Variants in TSPAN4 observed in about 807,000 individuals in gnomAD.
The protein encoded by TSPAN4 is tetraspanin 4.
Under a neutral mutation model 31.5 loss-of-function variants are expected in TSPAN4, and 38 were observed. The ratio of observed to expected loss-of-function variants is 1.21; its 90% CI spans 0.93 to 1.58. TSPAN4 has a LOEUF of 1.58. TSPAN4 is among the 40% of genes most tolerant of loss of function. The pLI is 0.00. For synonymous variants in TSPAN4, 186 were observed against 144.6 expected (o/e 1.29, Z -2.06); for missense variants, 330 against 317.3 (o/e 1.04, Z -0.30).
intron 3 of TSPAN4, among the ~76,000 whole-genome samples, chr11:852,913 G>A (rs965808559): frequency 3.9e-5 from 6 of 152,086 alleles, no homozygotes; most frequent in South Asian, 2.1e-4. Context: ...CCCCGCTGCC[G>A]GAGTCCTGCT....
chr11:865,335 G>A, intron 5 of TSPAN4, 178 bp from the exon 6 acceptor site: 1 of 602,374 alleles, frequency 1.7e-6, no homozygotes, highest in Non-Finnish European at 3.0e-6. Flanking sequence ...GGGGCCCTGG[G>A]CCTCAGGGCT....
Position 866,822 on chromosome 11 carries a change from C to T in TSPAN4, c.*192C>T, listed in dbSNP as rs1315644956. ...TCAGGTGGCTTCAGGGCCTCCGGAC[C>T]CCCCCTGGGAGGGGTGGCCACGTGC... On this transcript the variant is annotated 3_prime_UTR_variant, in exon 9 of 9. Transcript: ENST00000397397. 6.7e-6 allele frequency: 4 copies of T among 592,778 alleles called. No homozygotes were observed. The highest frequency in any genetic ancestry group is 1.1e-5 in the Non-Finnish European group (4 of 351,844). 36.7% of individuals were successfully genotyped at this position (592,778 alleles called of 1,614,324 possible). A position where few individuals can be genotyped will look rare whatever the true frequency, so the allele number is the denominator to read the frequency against.
intron 3 of TSPAN4, chr11:856,838 C>T (rs1848071205): frequency 6.6e-6 from 1 of 152,272 alleles, no homozygotes; most frequent in African/African-American, 2.4e-5. Flanking sequence ...CTATAATTTT[C>T]CTGCCAAAAT....
intron 2 of TSPAN4, chr11:849,897 C>G (rs1448327774): frequency 6.8e-6 from 1 of 148,134 alleles, no homozygotes; most frequent in South Asian, 2.0e-4. Flanking sequence ...CGGATCCGCG[C>G]GACCCGCTGC....
Position 850,311 on chromosome 11 carries a change from C to T in TSPAN4, c.7C>T (p.Arg3Cys), listed in dbSNP as rs973975934. ...AGAACTGAAGCGCTGCGGCATGGCGCGCGCCTGCCTCCAGGCCGTCAAGTA... is the reference window on the plus strand; with the variant it reads ...AGAACTGAAGCGCTGCGGCATGGCGTGCGCCTGCCTCCAGGCCGTCAAGTA... MA[R>C]ACLQAVKYLM... Residue 3 changes from arginine to cysteine, a missense_variant, in exon 3 of 9, where the codon CGC becomes TGC. By Grantham distance (180) the Arg-to-Cys change is radical (BLOSUM62 -3). Transcript: ENST00000397397. 11 of 1,606,436 alleles carry T rather than the reference C, an allele frequency of 6.8e-6. No individual in the cohort carries two copies. Among genetic ancestry groups the T allele is most frequent in the Non-Finnish European group, 9.3e-6 (11 of 1,178,588 alleles).
In TSPAN4 at chr11:848,751, G is replaced by C; in HGVS notation, c.-18+1451G>C. On this transcript the variant is annotated intron_variant, in intron 2 of 8. Coordinates refer to ENST00000397397, the MANE Select transcript of TSPAN4 (RefSeq NM_003271.5). This position sits in a 1 kb window ranked among gnomAD's most constrained non-coding sequence, Gnocchi z 5.7. ...GTCATCTGCCAGGAATCTGGGCCACGTGCTGATATCTTCCCAACACCGCAG... is the reference window on the plus strand; with the variant it reads ...GTCATCTGCCAGGAATCTGGGCCACCTGCTGATATCTTCCCAACACCGCAG... 1 of 515,236 alleles carries C rather than the reference G, an allele frequency of 1.9e-6. No homozygotes were observed. Among genetic ancestry groups the C allele is most frequent in the Non-Finnish European group, 3.5e-6 (1 of 286,448 alleles). The allele number at this position is 515,236 out of a possible 1,614,324, so 31.9% of individuals were successfully genotyped here.
At chr11:844,258 C>CTT (rs1847158385) in intron 1 of TSPAN4, 1 of 151,618 alleles carries the variant, frequency 6.6e-6, no homozygotes, top group South Asian at 2.1e-4. Context: ...CTGGAGGCTT[C>CTT]TTGGAGGAGG....
In TSPAN4 at chr11:844,632, T is replaced by A. The variant is rs528778832; in HGVS notation, c.-118+1717T>A. Reference sequence around the variant, plus strand: ...AGCCTGGTGGCGGGGCAGGGCACTGTGCCCGCCAGCAGGGGCGGGTGGGGG... The same window carrying A: ...AGCCTGGTGGCGGGGCAGGGCACTGAGCCCGCCAGCAGGGGCGGGTGGGGG... On this transcript the variant is annotated intron_variant, in intron 1 of 8. Transcript: ENST00000397397. The A allele has an allele frequency of 3.2e-5, 4 of 123,782 alleles. No homozygotes were observed. The East Asian group carries it at 1.2e-3, about 37-fold the overall frequency. 7.7% of individuals were successfully genotyped at this position (123,782 alleles called of 1,614,324 possible). A position where few individuals can be genotyped will look rare whatever the true frequency, so the allele number is the denominator to read the frequency against.
At chr11:861,137 C>T (rs917876718) in intron 3 of TSPAN4, among the ~76,000 whole-genome samples, 7 of 152,202 alleles carry the variant, frequency 4.6e-5, no homozygotes, top group East Asian at 1.9e-4. Context: ...TCTCTCTGGG[C>T]GCAGCACCCC....
intron 3 of TSPAN4, among the ~76,000 whole-genome samples, chr11:852,906 C>CCA (rs1554990364): frequency 4.6e-5 from 7 of 152,080 alleles, no homozygotes; most frequent in Non-Finnish European, 1.0e-4. Flanking sequence ...CCTGACCCCC[C>CCA]GCTGCCGGAG....
rs749807294 is a variant in TSPAN4, at chr11:850,271, C to T, written c.-17-17C>T. Reference sequence around the variant, plus strand: ...ACGTGGTTTTCTACCTGGACCTCTCCTTCATCTTCCTCCTAGAACTGAAGC... The same window carrying T: ...ACGTGGTTTTCTACCTGGACCTCTCTTTCATCTTCCTCCTAGAACTGAAGC... On this transcript the variant is annotated splice_polypyrimidine_tract_variant and intron_variant, in intron 2 of 8. Coordinates refer to ENST00000397397, the MANE Select transcript of TSPAN4 (RefSeq NM_003271.5). 2.6e-5 allele frequency: 42 copies of T among 1,596,718 alleles called. No individual in the cohort carries two copies. Among genetic ancestry groups the T allele is most frequent in the Non-Finnish European group, 3.0e-5 (35 of 1,171,740 alleles).
intron 2 of TSPAN4, chr11:849,759 G>A (rs2133995586): frequency 6.8e-6 from 1 of 146,654 alleles, no homozygotes; most frequent in East Asian, 2.1e-4. Context: ...GAGGGGAGGG[G>A]TCCGCGCGGG....
chr11:859,897 G>C (rs2134045129), intron 3 of TSPAN4: 1 of 152,378 alleles, frequency 6.6e-6, no homozygotes, highest in African/African-American at 2.4e-5. Flanking sequence ...GTCAGAGCCA[G>C]CAAGTCAGCC....
chr11:850,601 G>A (rs933780646), intron 3 of TSPAN4, among the ~76,000 whole-genome samples: 4 of 151,396 alleles, frequency 2.6e-5, no homozygotes, highest in Non-Finnish European at 5.9e-5. Flanking sequence ...GCTGCCCCAC[G>A]CCCTGGTCCC....
rs886668410 is a variant in TSPAN4 at position 867,039 on chromosome 11, G to A, written c.*409G>A. The A allele has an allele frequency of 2.8e-5, 5 of 175,890 alleles. No homozygotes were observed. Among genetic ancestry groups the A allele is most frequent in the African/African-American group, 7.1e-5 (3 of 42,182 alleles). The allele number at this position is 175,890 out of a possible 1,614,324, so 10.9% of individuals were successfully genotyped here. ...TGGTCCTGGTGCTCCAGGCGGGGCC[G>A]TGGACCCCTCACCTACATTCCATAG... On this transcript the variant is annotated 3_prime_UTR_variant, in exon 9 of 9. Coordinates refer to ENST00000397397, the MANE Select transcript of TSPAN4 (RefSeq NM_003271.5).
chr11:861,476 G>T (rs1473064786), intron 3 of TSPAN4, among the ~76,000 whole-genome samples: 1 of 152,296 alleles, frequency 6.6e-6, no homozygotes, highest in Non-Finnish European at 1.5e-5. Context: ...ACTTTGGGAG[G>T]TCGAGGTGGG....
intron 3 of TSPAN4, among the ~76,000 whole-genome samples, chr11:860,985 ACT>A (rs1409133616): frequency 6.6e-6 from 1 of 151,894 alleles, no homozygotes; most frequent in African/African-American, 2.4e-5. Context: ...TTTTCGGGGG[ACT>A]GCTTGTCCCG....
intron 5 of TSPAN4, chr11:865,283 A>C: frequency 1.8e-6 from 1 of 570,674 alleles, no homozygotes; most frequent in Non-Finnish European, 3.2e-6. Flanking sequence ...TCCCCCCAGG[A>C]CCCATGGTCC....
chr11:852,299 T>C (rs1465491566), intron 3 of TSPAN4, among the ~76,000 whole-genome samples: 2 of 152,046 alleles, frequency 1.3e-5, no homozygotes, highest in African/African-American at 4.8e-5. Context: ...AATTTTTGTA[T>C]TTTTAGTAGA....
Sources: allele counts gnomAD v4.1 joint callset (sites outside exome capture counted in the v4.1 genomes callset), GRCh38; gene constraint gnomAD v4.1.1; non-coding constraint Gnocchi (gnomAD v3.1); transcripts MANE v1.5; gene names NCBI Gene and HGNC (gene_info 2026-07-23, HGNC 2026-07-21).